The following ESCO1 variants were observed in gnomAD, a reference collection of about 807,000 sequenced individuals.
ESCO1 encodes N-acetyltransferase ESCO1.
A neutral mutation model predicts 83.5 loss-of-function variants in ESCO1; 33 were observed. That is an observed-to-expected ratio of 0.40 (90% CI 0.30 to 0.53). ESCO1 has a LOEUF of 0.53. Among genes scored for constraint, ESCO1 ranks in the 20% least tolerant of loss-of-function variants. The pLI is 0.63. For missense variants in ESCO1, 855 were observed against 968.0 expected (o/e 0.88, Z 1.55); for synonymous variants, 332 against 324.3 (o/e 1.02, Z -0.25).
At chr18:21,539,853 A>T (rs996026938) in intron 9 of ESCO1, 67 bp downstream of exon 9, 5 of 233,986 alleles carry the variant, frequency 2.1e-5, no homozygotes, top group South Asian at 1.3e-4. Flanking sequence ...GTCTCAGGGT[A>T]AAAAAAAAAA....
intron 8 of ESCO1, among the ~76,000 whole-genome samples, chr18:21,550,158 T>C (rs1265022529): frequency 2.0e-5 from 3 of 152,082 alleles, no homozygotes; most frequent in Non-Finnish European, 4.4e-5. Flanking sequence ...AACCCTAAGA[T>C]GTTGATTATG....
chr18:21,592,266 A>T (rs1210803538), intron 1 of ESCO1, among the ~76,000 whole-genome samples: 1 of 145,468 alleles, frequency 6.9e-6, no homozygotes, highest in African/African-American at 2.6e-5. Context: ...GGCGCCCCTC[A>T]CCTCCTGGAC....
At chr18:21,586,904 A>G (rs2038589342) in intron 1 of ESCO1, among the ~76,000 whole-genome samples, 1 of 152,188 alleles carries the variant, frequency 6.6e-6, no homozygotes, top group African/African-American at 2.4e-5. Context: ...TGGATTTTTC[A>G]CAGATGCCCT....
At chr18:21,585,970 C>T (rs956746020) in intron 1 of ESCO1, among the ~76,000 whole-genome samples, 1 of 152,174 alleles carries the variant, frequency 6.6e-6, no homozygotes, top group Non-Finnish European at 1.5e-5. Context: ...TACAGACATA[C>T]AACCACGTAA....
chr18:21,582,514 A>G (rs1054124690), intron 2 of ESCO1, among the ~76,000 whole-genome samples: 1 of 152,168 alleles, frequency 6.6e-6, no homozygotes, highest in Non-Finnish European at 1.5e-5. Context: ...TACAGGCATT[A>G]CCATGTCCAG....
chr18:21,596,151 G>A (rs558589688), intron 1 of ESCO1, among the ~76,000 whole-genome samples: 2 of 151,930 alleles, frequency 1.3e-5, no homozygotes, highest in East Asian at 3.9e-4. Flanking sequence ...CACTTTGGGA[G>A]GCCAAGGTGG....
At chr18:21,566,519 A>G (rs1478801935) in intron 5 of ESCO1, among the ~76,000 whole-genome samples, 3 of 152,156 alleles carry the variant, frequency 2.0e-5, no homozygotes, top group African/African-American at 7.2e-5. Context: ...ATAATTATAT[A>G]ATCTCTAAGT....
intron 1 of ESCO1, among the ~76,000 whole-genome samples, chr18:21,595,349 A>G (rs2038747341): frequency 1.4e-5 from 2 of 138,246 alleles, no homozygotes; most frequent in Non-Finnish European, 3.1e-5. Flanking sequence ...GGGCTGTAAG[A>G]GCAAAACTCC....
chr18:21,544,658 G>A (rs1203550290), intron 8 of ESCO1, among the ~76,000 whole-genome samples: 1 of 151,824 alleles, frequency 6.6e-6, no homozygotes, highest in Non-Finnish European at 1.5e-5. Flanking sequence ...TACATACTTA[G>A]AAATATCTAC....
intron 7 of ESCO1, among the ~76,000 whole-genome samples, chr18:21,562,121 C>T (rs2038194630): frequency 6.6e-6 from 1 of 152,040 alleles, no homozygotes; most frequent in Admixed American, 6.6e-5. Flanking sequence ...ATCAGGTGAT[C>T]CACCTGCCTC....
Position 21,566,209 on chromosome 18 carries a change from G to A in ESCO1, c.1646-3C>T, listed in dbSNP as rs1252729787. 6.2e-7 allele frequency: 1 copy of A among 1,611,372 alleles called. No homozygotes were observed. The highest frequency in any genetic ancestry group is 1.1e-5 in the South Asian group (1 of 90,612). Reference sequence around the variant, plus strand: ...ACTATGCTGTTGGGGAGCTGAACCTGTAATTTAATCAAGAAGGTGGGTTAT... The same window carrying A: ...ACTATGCTGTTGGGGAGCTGAACCTATAATTTAATCAAGAAGGTGGGTTAT... On this transcript the variant is annotated splice_polypyrimidine_tract_variant and splice_region_variant and intron_variant, in intron 5 of 11. Coordinates refer to ENST00000269214, the MANE Select transcript of ESCO1 (RefSeq NM_052911.3).
At chr18:21,572,074 T>C (rs1428506575) in intron 4 of ESCO1, among the ~76,000 whole-genome samples, 1 of 152,218 alleles carries the variant, frequency 6.6e-6, no homozygotes, top group Non-Finnish European at 1.5e-5. Flanking sequence ...TTGAAATGAC[T>C]TGACTTTTTT....
chr18:21,532,590 T>G lies in ESCO1; in HGVS notation c.2258A>C (p.Gln753Pro). Residue 753 changes from glutamine to proline, a missense_variant, in exon 11 of 12, where the codon CAA (glutamine) becomes CCA (proline). Gln to Pro is a moderately conservative substitution (Grantham distance 76). This residue lies in a region of ESCO1 where 129 missense variants were observed against 268.5 expected (regional missense o/e 0.48). Transcript: ENST00000269214. ...TAATGTTGAGCAGCACCAGGCTTTT[T>G]GCCTTTCAAATCTGACTTTTTCTTC... ...SEEEKVRFERQKAWCCSTLPE... is the reference protein window; with the variant it reads ...SEEEKVRFERPKAWCCSTLPE... 1.9e-6 allele frequency: 3 copies of G among 1,614,168 alleles called. No homozygotes were observed. The highest frequency in any genetic ancestry group is 2.5e-6 in the Non-Finnish European group (3 of 1,180,030).
At chr18:21,551,483 A>C (rs8092984) in intron 8 of ESCO1, among the ~76,000 whole-genome samples, 73,754 of 152,092 alleles carry the variant, frequency 0.48, 21,288 homozygotes, top group Non-Finnish European at 0.65. Flanking sequence ...ATCTTCAGAG[A>C]TGAACCAGCC....
At chr18:21,551,407 G>A (rs1191969360) in intron 8 of ESCO1, among the ~76,000 whole-genome samples, 6 of 152,050 alleles carry the variant, frequency 3.9e-5, no homozygotes, top group African/African-American at 1.4e-4. Context: ...CTCCAGCCTG[G>A]GCAACAGAGC....
intron 4 of ESCO1, among the ~76,000 whole-genome samples, chr18:21,571,262 A>ACT (rs1212451014): frequency 5.9e-5 from 9 of 151,970 alleles, no homozygotes; most frequent in Admixed American, 2.0e-4. Flanking sequence ...ATCTTGGCTC[A>ACT]CTGCAGCCTC....
intron 1 of ESCO1, among the ~76,000 whole-genome samples, chr18:21,588,446 A>G (rs1028988185): frequency 6.6e-6 from 1 of 151,650 alleles, no homozygotes; most frequent in Non-Finnish European, 1.5e-5. Context: ...TTTACTCTAA[A>G]AAAAAAAAAG....
rs1329298797 is a variant in ESCO1 at position 21,537,415 on chromosome 18, G to T, written c.2044-1230C>A. On this transcript the variant is annotated intron_variant, in intron 9 of 11. Transcript: ENST00000269214. ...CCAGATGTGGTGGCACTTGCCAGTAGTCCCAGCTACTCAGGAGACTGGGGC... is the reference window on the plus strand; with the variant it reads ...CCAGATGTGGTGGCACTTGCCAGTATTCCCAGCTACTCAGGAGACTGGGGC... 3.3e-5 allele frequency among the ~76,000 whole-genome samples: 5 copies of T among 152,164 alleles called. No homozygotes were observed. The East Asian group carries it at 9.6e-4, about 29-fold the overall frequency.
At chr18:21,587,191 T>C (rs77951681) in intron 1 of ESCO1, among the ~76,000 whole-genome samples, 12,890 of 152,256 alleles carry the variant, frequency 0.085, 788 homozygotes, top group Non-Finnish European at 0.14. Flanking sequence ...TATTAATCTG[T>C]AGTTTTCTTG....
Sources: gnomAD v4.1 joint callset for allele counts (sites outside exome capture counted in the v4.1 genomes callset) on GRCh38, gnomAD v4.1.1 for gene constraint, gnomAD v4.1.1 regional missense constraint, MANE v1.5 for transcripts, NCBI Gene and HGNC (gene_info 2026-07-23, HGNC 2026-07-21) for gene names.